MDGA2: variants seen among roughly 807,000 people sequenced by gnomAD.
The protein encoded by MDGA2 is MAM domain-containing glycosylphosphatidylinositol anchor protein 2.
In MDGA2, 40 loss-of-function variants were observed where a neutral mutation model predicts 117.8. The observed-to-expected ratio is 0.34, with a 90% CI of 0.26 to 0.44. The LOEUF (loss-of-function observed/expected upper bound fraction) is 0.44. Ranked by LOEUF, MDGA2 falls within the 20% of genes least tolerant of loss-of-function variation. MDGA2 has a pLI of 1.00. For synonymous variants in MDGA2, 452 were observed against 439.0 expected, an observed-to-expected ratio of 1.03 and a Z score of -0.37; for missense variants, 1,123 against 1,250.6, an observed-to-expected ratio of 0.90 and a Z score of 1.54.
At chr14:46,923,619 T>C (rs1884216353) in intron 9 of MDGA2, among the ~76,000 whole-genome samples, 1 of 152,102 alleles carries the variant, frequency 6.6e-6, no homozygotes, top group Non-Finnish European at 1.5e-5. Context: ...CGATTAAATA[T>C]AGGCATGCTT....
chr14:47,153,612 G>T (rs933217844), intron 3 of MDGA2, among the ~76,000 whole-genome samples: 3 of 151,602 alleles, frequency 2.0e-5, no homozygotes, highest in Admixed American at 1.3e-4. Context: ...GGAGGGGAAT[G>T]GACCACTCAA....
At chr14:47,070,759 T>G (rs1236948606) in intron 6 of MDGA2, among the ~76,000 whole-genome samples, 1 of 152,148 alleles carries the variant, frequency 6.6e-6, no homozygotes, top group Non-Finnish European at 1.5e-5. Context: ...GCATGTGCCA[T>G]CAAGCCTAGC....
intron 2 of MDGA2, among the ~76,000 whole-genome samples, chr14:47,258,516 CT>C (rs1473421641): frequency 1.3e-5 from 2 of 152,064 alleles, no homozygotes; most frequent in African/African-American, 4.8e-5. Flanking sequence ...CCAAGCCCCT[CT>C]TCCAACACTG....
rs200381108 is a variant in MDGA2 at position 46,842,030 on chromosome 14, G to A, written c.2990-11C>T. The stretch of plus-strand genomic sequence containing the variant: ...CACCATCAACGGAATCTAAAGATAA[G>A]GAAAATAAATGCAAACAAAAAAAGA... On this transcript the variant is annotated splice_polypyrimidine_tract_variant and intron_variant, in intron 16 of 16. Coordinates refer to ENST00000399232, the MANE Select transcript of MDGA2 (RefSeq NM_001113498.3). The A allele has an allele frequency of 1.0e-5, 16 of 1,594,012 alleles. No individual in the cohort carries two copies. The highest frequency in any genetic ancestry group is 1.2e-5 in the Non-Finnish European group (14 of 1,164,082).
intron 8 of MDGA2, among the ~76,000 whole-genome samples, chr14:47,020,893 A>C (rs1156778185): frequency 6.6e-6 from 1 of 152,186 alleles, no homozygotes; most frequent in Non-Finnish European, 1.5e-5. Context: ...AAGAAAAAAA[A>C]AAATTAGAAG....
chr14:47,479,565 C>T (rs1229551452), intron 1 of MDGA2, among the ~76,000 whole-genome samples: 1 of 152,112 alleles, frequency 6.6e-6, no homozygotes, highest in Non-Finnish European at 1.5e-5. Context: ...ATGCTATAGT[C>T]CATAAACCCA....
At chr14:47,625,956 G>A (rs2138938146) in intron 1 of MDGA2, among the ~76,000 whole-genome samples, 1 of 152,252 alleles carries the variant, frequency 6.6e-6, no homozygotes, top group East Asian at 1.9e-4. Context: ...TGGAACCTCA[G>A]GACACCAGAC....
chr14:47,320,364 C>G (rs1889944653), intron 1 of MDGA2, among the ~76,000 whole-genome samples: 1 of 152,044 alleles, frequency 6.6e-6, no homozygotes, highest in African/African-American at 2.4e-5. Flanking sequence ...GCCTGGGTGA[C>G]AGAGATACTG....
At chr14:47,634,700 A>G (rs1281923404) in intron 1 of MDGA2, among the ~76,000 whole-genome samples, 1 of 152,108 alleles carries the variant, frequency 6.6e-6, no homozygotes, top group African/African-American at 2.4e-5. Flanking sequence ...TCTTAGTAGC[A>G]GTTAATCTGA....
chr14:47,209,350 C>A (rs1182953446), intron 3 of MDGA2, among the ~76,000 whole-genome samples: 1 of 152,126 alleles, frequency 6.6e-6, no homozygotes, highest in African/African-American at 2.4e-5. Context: ...AGCCCTCCAG[C>A]TCAGAAGGCT....
chr14:47,597,179 C>T (rs1012153013), intron 1 of MDGA2, among the ~76,000 whole-genome samples: 1 of 152,034 alleles, frequency 6.6e-6, no homozygotes, highest in Non-Finnish European at 1.5e-5. Flanking sequence ...AAGGTTAAAT[C>T]TTCTGGGTAA....
chr14:47,088,362 A>G (rs1396804777), intron 6 of MDGA2, among the ~76,000 whole-genome samples: 1 of 152,210 alleles, frequency 6.6e-6, no homozygotes, highest in Non-Finnish European at 1.5e-5. Context: ...AGAAATAAGC[A>G]CTTAATCTGC....
At chr14:46,935,830 TG>T (rs1884759647) in intron 9 of MDGA2, among the ~76,000 whole-genome samples, 1 of 152,104 alleles carries the variant, frequency 6.6e-6, no homozygotes, top group Non-Finnish European at 1.5e-5. Flanking sequence ...AGAAAGTGTT[TG>T]GGTTGACATG....
intron 3 of MDGA2, among the ~76,000 whole-genome samples, chr14:47,207,787 G>C (rs1885740516): frequency 6.6e-6 from 1 of 151,960 alleles, no homozygotes; most frequent in Admixed American, 6.6e-5. Context: ...AAACTCAAGA[G>C]ATCATGAATA....
intron 1 of MDGA2, among the ~76,000 whole-genome samples, chr14:47,373,161 T>A (rs1198317965): frequency 6.6e-6 from 1 of 152,048 alleles, no homozygotes; most frequent in Non-Finnish European, 1.5e-5. Flanking sequence ...TTTGGAGAGT[T>A]TTGAAAAGAA....
At chr14:47,362,745 T>C (rs913565257) in intron 1 of MDGA2, among the ~76,000 whole-genome samples, 1 of 152,180 alleles carries the variant, frequency 6.6e-6, no homozygotes, top group Non-Finnish European at 1.5e-5. Flanking sequence ...GATATTTTGC[T>C]TGCTATTACT....
At chr14:46,865,709 C>T (rs1318497077) in intron 14 of MDGA2, among the ~76,000 whole-genome samples, 3 of 152,002 alleles carry the variant, frequency 2.0e-5, no homozygotes, top group Admixed American at 6.6e-5. Flanking sequence ...GATACAAAAT[C>T]GATGTACAAA....
At chr14:47,049,307 A>G (rs1228272217) in intron 7 of MDGA2, among the ~76,000 whole-genome samples, 1 of 152,004 alleles carries the variant, frequency 6.6e-6, no homozygotes, top group African/African-American at 2.4e-5. Flanking sequence ...GGGGGAAGGT[A>G]TTGGTTCCAG....
At chr14:46,924,654 C>T (rs1400732904) in intron 9 of MDGA2, among the ~76,000 whole-genome samples, 1 of 151,570 alleles carries the variant, frequency 6.6e-6, no homozygotes, top group South Asian at 2.1e-4. Flanking sequence ...ATAAAATGAG[C>T]CCATTTTATT....
Sources: allele counts gnomAD v4.1 joint callset (sites outside exome capture counted in the v4.1 genomes callset), GRCh38; gene constraint gnomAD v4.1.1; transcripts MANE v1.5; gene names NCBI Gene and HGNC (gene_info 2026-07-23, HGNC 2026-07-21).